Variants in PPP4R3A observed in about 807,000 individuals in gnomAD.
PPP4R3A encodes serine/threonine-protein phosphatase 4 regulatory subunit 3A.
In PPP4R3A, 15 loss-of-function variants were observed where a neutral mutation model predicts 91.7. That is an observed-to-expected ratio of 0.16 (90% CI 0.11 to 0.25). PPP4R3A has a LOEUF of 0.25. Among genes scored for constraint, PPP4R3A ranks in the 10% least tolerant of loss-of-function variants. The pLI, the probability that PPP4R3A is intolerant of heterozygous loss-of-function variation, is 1.00. For missense variants in PPP4R3A, 623 were observed against 998.4 expected (o/e 0.62, Z 5.07); for synonymous variants, 377 against 348.7 (o/e 1.08, Z -0.91).
intron 1 of PPP4R3A, among the ~76,000 whole-genome samples, chr14:91,499,917 C>T (rs527845094): frequency 1.2e-4 from 18 of 151,846 alleles, no homozygotes; most frequent in Non-Finnish European, 2.4e-4. Flanking sequence ...GTGCTACCAA[C>T]CCCCACCAAA....
Position 91,501,736 on chromosome 14 carries a change from GCT to G in PPP4R3A, c.142+7768_142+7769del, listed in dbSNP as rs1566655913. 3.4e-5 allele frequency among the ~76,000 whole-genome samples: 5 copies of G among 148,006 alleles called. No individual in the cohort carries two copies. In the South Asian group the frequency reaches 8.4e-4, roughly 25 times the overall value. On this transcript the variant is annotated intron_variant, in intron 1 of 14. Coordinates refer to ENST00000554943, the MANE Select transcript of PPP4R3A (RefSeq NM_001366432.2). ...TTTTTTTTTTTTGAGACGGAATCTC[GCT>G]CTGTCACCCAGGCTGAAGTGCAGTG...
chr14:91,462,391 C>T, intron 12 of PPP4R3A, 152 bp from the exon 13 acceptor site: 1 of 851,856 alleles, frequency 1.2e-6, no homozygotes, highest in Non-Finnish European at 1.6e-6. Flanking sequence ...GATTAATGTA[C>T]AAAATTTTAA....
In PPP4R3A at chr14:91,474,935, A is replaced by G. The variant is rs1205690690; in HGVS notation, c.1266+876T>C. The G allele has an allele frequency of 3.9e-5, 6 of 152,372 alleles. No individual in the cohort carries two copies. The South Asian group carries it at 1.2e-3, about 32-fold the overall frequency. The allele number at this position is 152,372 out of a possible 1,614,324, so 9.4% of individuals were successfully genotyped here. Reference sequence around the variant, plus strand: ...ACTATAAAAATAAAAACTTAAACATAGCAGTTACATGGCATTCCATTTCCT... The same window carrying G: ...ACTATAAAAATAAAAACTTAAACATGGCAGTTACATGGCATTCCATTTCCT... On this transcript the variant is annotated intron_variant, in intron 7 of 14. Coordinates refer to ENST00000554943, the MANE Select transcript of PPP4R3A (RefSeq NM_001366432.2).
chr14:91,460,953 T>A (rs1013693607), intron 14 of PPP4R3A, among the ~76,000 whole-genome samples: 2 of 152,158 alleles, frequency 1.3e-5, no homozygotes, highest in Non-Finnish European at 2.9e-5. Context: ...TTAGTGATAG[T>A]AGATGTTTAA....
chr14:91,478,461 A>C (rs1790631996), intron 4 of PPP4R3A, among the ~76,000 whole-genome samples: 1 of 152,260 alleles, frequency 6.6e-6, no homozygotes, highest in Non-Finnish European at 1.5e-5. Flanking sequence ...TTGCCAAAAC[A>C]TTTGTAAAAT....
chr14:91,476,438 C>A lies in PPP4R3A; in HGVS notation c.1080G>T (p.Met360Ile). The A allele has an allele frequency of 8.1e-6, 13 of 1,611,550 alleles. No homozygotes were observed. The highest frequency in any genetic ancestry group is 1.1e-5 in the Non-Finnish European group (13 of 1,179,182). ...TGACTTCTAAAGCTGGTAATATGCC[C>A]ATGTTTGACAAAGTCTTGAAAAAAG... ...RDAFFKTLSNMGILPALEVIL... is the reference protein window; with the variant it reads ...RDAFFKTLSNIGILPALEVIL... Residue 360 changes from methionine (M) to isoleucine (I), a missense_variant, in exon 6 of 15, where the codon ATG (methionine) becomes ATT (isoleucine). By Grantham distance (10) the Met-to-Ile change is conservative. Coordinates refer to ENST00000554943, the MANE Select transcript of PPP4R3A (RefSeq NM_001366432.2).
At position 91,509,814 on chromosome 14, in the gene PPP4R3A, C is replaced by G. The variant is rs1489796846; in HGVS notation, c.-167G>C. On this transcript the variant is annotated 5_prime_UTR_variant, in exon 1 of 15. Transcript: ENST00000554943. ...CGCGCCGCCGCCTGCATGGCCCGCT[C>G]CAGGGACCGAGCTCTGGGCCGCCGC... The G allele has an allele frequency of 9.1e-6, 11 of 1,209,798 alleles. No homozygotes were observed. The highest frequency in any genetic ancestry group is 1.1e-5 in the Non-Finnish European group (11 of 976,982). 74.9% of individuals were successfully genotyped at this position (1,209,798 alleles called of 1,614,324 possible). A position where few individuals can be genotyped will look rare whatever the true frequency, so the allele number is the denominator to read the frequency against.
intron 1 of PPP4R3A, among the ~76,000 whole-genome samples, chr14:91,505,428 T>C (rs1891232990): frequency 6.9e-6 from 1 of 145,308 alleles, no homozygotes; most frequent in Non-Finnish European, 1.5e-5. Context: ...CCAGCCAGGA[T>C]GACAGAGATT....
intron 7 of PPP4R3A, chr14:91,474,555 C>G (rs997377189): frequency 1.3e-5 from 2 of 151,990 alleles, no homozygotes; most frequent in Non-Finnish European, 2.9e-5. Flanking sequence ...TTCATATGTT[C>G]AGCTCATGGG....
chr14:91,471,585 G>A (rs1888836702), intron 9 of PPP4R3A, among the ~76,000 whole-genome samples: 3 of 152,052 alleles, frequency 2.0e-5, no homozygotes, highest in Non-Finnish European at 2.9e-5. Context: ...AAATCACAAT[G>A]AGTTCTCATC....
intron 4 of PPP4R3A, among the ~76,000 whole-genome samples, chr14:91,478,067 T>C (rs1889317803): frequency 6.6e-6 from 1 of 152,270 alleles, no homozygotes; most frequent in Non-Finnish European, 1.5e-5. Context: ...ACTAGATTAC[T>C]GGCTCCACAT....
chr14:91,472,712 G>T (rs554609793), intron 9 of PPP4R3A, among the ~76,000 whole-genome samples: 1 of 151,856 alleles, frequency 6.6e-6, no homozygotes, highest in Non-Finnish European at 1.5e-5. Flanking sequence ...CTCATGATCC[G>T]CTTGCCTTGG....
chr14:91,461,372 A>G lies in PPP4R3A; in HGVS notation c.2391+9T>C, dbSNP rs1306276980. 7 of 1,594,764 alleles carry G rather than the reference A, an allele frequency of 4.4e-6. No individual in the cohort carries two copies. The Admixed American group carries it at 8.4e-5, about 19-fold the overall frequency. On this transcript the variant is annotated intron_variant, in intron 14 of 14. Transcript: ENST00000554943. ...AAAAAAGGGGGCAAAATGGGAGTCAAGAATGTACCTTTGTAGTAATAGCTG... is the reference window on the plus strand; with the variant it reads ...AAAAAAGGGGGCAAAATGGGAGTCAGGAATGTACCTTTGTAGTAATAGCTG...
chr14:91,460,258 C>A (rs960434247), intron 14 of PPP4R3A, among the ~76,000 whole-genome samples: 4 of 152,218 alleles, frequency 2.6e-5, no homozygotes, highest in African/African-American at 9.6e-5. Flanking sequence ...CGTGACCCAC[C>A]CCCCTGGACC....
intron 13 of PPP4R3A, chr14:91,461,816 A>G: frequency 1.2e-6 from 1 of 862,634 alleles, no homozygotes. Context: ...TCAGAATCAT[A>G]TTTAGTATCC....
chr14:91,485,194 A>G (rs932539430), intron 3 of PPP4R3A, among the ~76,000 whole-genome samples: 1 of 152,266 alleles, frequency 6.6e-6, no homozygotes, highest in Non-Finnish European at 1.5e-5. Flanking sequence ...GGAAAACTAC[A>G]AAAGTAAAAA....
Position 91,504,189 on chromosome 14 carries a change from T to A in PPP4R3A, c.142+5317A>T, listed in dbSNP as rs984333431. Among the ~76,000 whole-genome samples the A allele has an allele frequency of 2.5e-4, 38 of 150,780 alleles. 1 individual carries two copies. The highest frequency in any genetic ancestry group is 6.6e-4 in the Admixed American group (10 of 15,126). The stretch of plus-strand genomic sequence containing the variant: ...AAAAAAGAAAAAAAAAATTTTTTTT[T>A]AATTACCCAGGCACAGTGGTGTGCA... On this transcript the variant is annotated intron_variant, in intron 1 of 14. Transcript: ENST00000554943.
chr14:91,472,896 G>A (rs960174254), intron 9 of PPP4R3A, 137 bp downstream of exon 9: 2 of 722,602 alleles, frequency 2.8e-6, no homozygotes, highest in Admixed American at 2.8e-5. Context: ...AACTTTTAAA[G>A]ACTACTACTT....
chr14:91,489,247 T>C (rs1254609887), intron 2 of PPP4R3A, among the ~76,000 whole-genome samples: 2 of 152,030 alleles, frequency 1.3e-5, no homozygotes, highest in African/African-American at 4.8e-5. Flanking sequence ...TGGCAGAAAA[T>C]AACAATCATC....
Sources: allele counts gnomAD v4.1 joint callset (sites outside exome capture counted in the v4.1 genomes callset), GRCh38; gene constraint gnomAD v4.1.1; transcripts MANE v1.5; gene names NCBI Gene and HGNC (gene_info 2026-07-23, HGNC 2026-07-21).